The following UNC45B variants were observed in gnomAD, a reference collection of about 807,000 sequenced individuals.
UNC45B encodes the protein unc-45 myosin chaperone B, also known as protein unc-45 homolog B.
Under a neutral mutation model 98.7 loss-of-function variants are expected in UNC45B, and 78 were observed. That is an observed-to-expected ratio of 0.79 (90% CI 0.66 to 0.95). The LOEUF is 0.95. UNC45B is among the 40% of genes least tolerant of loss of function. UNC45B has a pLI of 0.00. For missense variants in UNC45B, 1,225 were observed against 1,184.9 expected (o/e 1.03, Z -0.50); for synonymous variants, 462 against 480.4 (o/e 0.96, Z 0.50).
intron 8 of UNC45B, among the ~76,000 whole-genome samples, chr17:35,160,371 T>G (rs1434200629): frequency 2.6e-5 from 4 of 152,226 alleles, no homozygotes. Context: ...ATGATTCAGC[T>G]TTCAGCTTAA....
chr17:35,176,956 A>G, intron 15 of UNC45B, 61 bp from the exon 16 acceptor site: 1 of 1,345,102 alleles, frequency 7.4e-7, no homozygotes, highest in East Asian at 2.3e-5. Flanking sequence ...CTGGAGCAGG[A>G]GGATAGGCGA....
chr17:35,174,485 T>A (rs532329699), intron 14 of UNC45B, 116 bp downstream of exon 14: 1 of 1,426,976 alleles, frequency 7.0e-7, no homozygotes, highest in African/African-American at 1.4e-5. Context: ...AGATAAACTA[T>A]TGGGAAAGCC....
At chr17:35,168,612 T>G (rs536635306) in intron 10 of UNC45B, among the ~76,000 whole-genome samples, 1 of 152,326 alleles carries the variant, frequency 6.6e-6, no homozygotes, top group South Asian at 2.1e-4. Context: ...ACATGAACAC[T>G]GAGGAGCTTG....
Position 35,180,581 on chromosome 17 carries a change from G to A in UNC45B, c.2278G>A (p.Ala760Thr). Reference protein sequence around the residue: ...KLRQKIFKERALPDIENYMFE... With the variant: ...KLRQKIFKERTLPDIENYMFE... Reference sequence around the variant, plus strand: ...TAGGCAGAAGATCTTTAAGGAGAGGGCCTTGCCAGACATCGAGAACTACAT... The same window carrying A: ...TAGGCAGAAGATCTTTAAGGAGAGGACCTTGCCAGACATCGAGAACTACAT... Residue 760 changes from alanine to threonine, a missense_variant, in exon 18 of 20, where the codon GCC (alanine) becomes ACC (threonine). Ala to Thr is a moderately conservative substitution (Grantham distance 58, BLOSUM62 0). Transcript: ENST00000394570. 1 of 1,613,948 alleles carries A rather than the reference G, an allele frequency of 6.2e-7. No individual in the cohort carries two copies. Among genetic ancestry groups the A allele is most frequent in the Non-Finnish European group, 8.5e-7 (1 of 1,179,938 alleles).
intron 4 of UNC45B, 136 bp downstream of exon 4, chr17:35,150,359 C>A: frequency 2.1e-6 from 2 of 957,530 alleles, no homozygotes; most frequent in Non-Finnish European, 1.5e-6. Flanking sequence ...CAGCAAGTGG[C>A]ATGGGCAGGC....
At chr17:35,176,156 T>C in intron 15 of UNC45B, 122 bp downstream of exon 15, 7 of 945,204 alleles carry the variant, frequency 7.4e-6, no homozygotes, top group Non-Finnish European at 1.2e-5. Context: ...ATCTGCGCTG[T>C]CTGTGCTCAT....
At chr17:35,171,756 A>G (rs533558641) in intron 13 of UNC45B, among the ~76,000 whole-genome samples, 2 of 152,372 alleles carry the variant, frequency 1.3e-5, no homozygotes, top group South Asian at 4.1e-4. Context: ...TATGGATAAA[A>G]GACAGTTTTA....
In UNC45B at chr17:35,149,492, CT is replaced by C. The variant is rs200775530; in HGVS notation, c.205+484del. Among the ~76,000 whole-genome samples, 36 of 152,298 alleles carry C rather than the reference CT, an allele frequency of 2.4e-4. 1 individual carries two copies. The East Asian group carries it at 6.4e-3, about 27-fold the overall frequency. ...AGTGCAATGGCATGATCTCAACTCA[CT>C]GCAACCTCTGCCTCCCGGATTCAAG... is the stretch of plus-strand genomic sequence containing the variant. On this transcript the variant is annotated intron_variant, in intron 3 of 19. Coordinates refer to ENST00000394570, the MANE Select transcript of UNC45B (RefSeq NM_001267052.2).
At chr17:35,153,065 C>CGGAG in intron 5 of UNC45B, 83 bp downstream of exon 5, 1 of 1,220,082 alleles carries the variant, frequency 8.2e-7, no homozygotes, top group South Asian at 1.4e-5. Flanking sequence ...GAAGGGGGAC[C>CGGAG]GGAGGCCTGT....
chr17:35,156,468 A>G (rs1482989110), intron 7 of UNC45B, among the ~76,000 whole-genome samples: 2 of 152,178 alleles, frequency 1.3e-5, no homozygotes, highest in African/African-American at 4.8e-5. Context: ...TCTATTAAAA[A>G]TACAAAAAGT....
intron 9 of UNC45B, among the ~76,000 whole-genome samples, chr17:35,167,233 C>T (rs912563518): frequency 1.3e-5 from 2 of 152,222 alleles, no homozygotes; most frequent in Middle Eastern, 3.2e-3. Context: ...GCTGGAAAGG[C>T]TGTCAGCTGA....
rs780661546 is a variant in UNC45B, at chr17:35,169,876, G to A, written c.1492G>A (p.Gly498Ser). The change falls in exon 11 of 20, where the codon GGT becomes AGT. Residue 498 changes from glycine to serine, a missense_variant. By Grantham distance (56) the Gly-to-Ser change is moderately conservative (BLOSUM62 0). Transcript: ENST00000394570. Reference protein sequence around the residue: ...KLGSAGGTDYGLRQFAEGSTE... With the variant: ...KLGSAGGTDYSLRQFAEGSTE... Reference sequence around the variant, plus strand: ...CGGCTCTGCAGGTGGCACAGACTACGGTCTCAGGCAGTTTGCGGAAGGGTC... The same window carrying A: ...CGGCTCTGCAGGTGGCACAGACTACAGTCTCAGGCAGTTTGCGGAAGGGTC... 8.1e-6 allele frequency: 13 copies of A among 1,614,026 alleles called. No homozygotes were observed. Among genetic ancestry groups the A allele is most frequent in the Admixed American group, 5.0e-5 (3 of 60,000 alleles).
At chr17:35,167,410 A>G (rs2092148787) in intron 9 of UNC45B, among the ~76,000 whole-genome samples, 1 of 152,210 alleles carries the variant, frequency 6.6e-6, no homozygotes, top group South Asian at 2.1e-4. Context: ...ATCTGAGGCC[A>G]GGAGTTTGAG....
intron 4 of UNC45B, among the ~76,000 whole-genome samples, chr17:35,151,518 A>G (rs1040053633): frequency 6.6e-6 from 1 of 152,162 alleles, no homozygotes; most frequent in Non-Finnish European, 1.5e-5. Context: ...TAGGATGCGG[A>G]GAACCTGGAC....
chr17:35,180,607 G>T lies in UNC45B; in HGVS notation c.2304G>T (p.Met768Ile). 1 of 1,614,080 alleles carries T rather than the reference G, an allele frequency of 6.2e-7. No individual in the cohort carries two copies. The highest frequency in any genetic ancestry group is 8.5e-7 in the Non-Finnish European group (1 of 1,179,988). ...ERALPDIENYMFENHDQLRQA... is the reference protein window; with the variant it reads ...ERALPDIENYIFENHDQLRQA... ...CCTTGCCAGACATCGAGAACTACAT[G>T]TTTGAGAATCATGATCAGCTGCGGC... The change falls in exon 18 of 20, where the codon ATG (methionine) becomes ATT (isoleucine). Residue 768 changes from methionine (M) to isoleucine (I), a missense_variant. Physicochemically the swap from Met to Ile is conservative, Grantham distance 10. Transcript: ENST00000394570.
chr17:35,166,107 A>AAAAAAAAAAAAAAAAAAG (rs1567760467), intron 9 of UNC45B, among the ~76,000 whole-genome samples: 1 of 148,416 alleles, frequency 6.7e-6, no homozygotes, highest in African/African-American at 2.5e-5. Context: ...AAAAAAAAAA[A>AAAAAAAAAAAAAAAAAAG]AAAATTAAAA....
chr17:35,160,612 T>C (rs1198320064), intron 8 of UNC45B, among the ~76,000 whole-genome samples: 1 of 152,172 alleles, frequency 6.6e-6, no homozygotes, highest in Non-Finnish European at 1.5e-5. Context: ...GCTAATGTTT[T>C]TCTTTTGTAG....
intron 14 of UNC45B, among the ~76,000 whole-genome samples, chr17:35,175,123 G>C (rs2092223793): frequency 6.7e-6 from 1 of 148,408 alleles, no homozygotes; most frequent in African/African-American, 2.5e-5. Flanking sequence ...GAAAGGGAAA[G>C]GAAAGGAAGG....
rs2092120785 is a variant in UNC45B at position 35,164,044 on chromosome 17, C to T, written c.1029C>T (p.Ser343=). The change falls in exon 9 of 20, where the codon TCC becomes TCT. Residue 343 remains serine (S), a synonymous_variant. Transcript: ENST00000394570. The part of the protein sequence containing the change: ...KVVGQVPDLP[S]CLPLTDNTRM... ...TGGGGCAGGTTCCAGATCTGCCATC[C>T]TGCCTGCCCCTGACTGACAACACCC... is the stretch of plus-strand genomic sequence containing the variant. 1.2e-6 allele frequency: 2 copies of T among 1,613,886 alleles called. No individual in the cohort carries two copies. The highest frequency in any genetic ancestry group is 2.7e-5 in the African/African-American group (2 of 74,896).
Sources: allele counts gnomAD v4.1 joint callset (sites outside exome capture counted in the v4.1 genomes callset), GRCh38; gene constraint gnomAD v4.1.1; transcripts MANE v1.5; gene names NCBI Gene and HGNC (gene_info 2026-07-23, HGNC 2026-07-21).